TENM2: variants seen among roughly 807,000 people sequenced by gnomAD.
TENM2 encodes the protein teneurin-2.
In TENM2, 52 loss-of-function variants were observed where a neutral mutation model predicts 245.2. That is an observed-to-expected ratio of 0.21 (90% CI 0.17 to 0.27). TENM2 has a LOEUF of 0.27. Ranked by LOEUF, TENM2 falls within the 10% of genes least tolerant of loss-of-function variation. TENM2 has a pLI of 1.00. For missense variants in TENM2, 3,046 were observed against 3,666.8 expected (o/e 0.83, Z 4.37); for synonymous variants, 1,363 against 1,438.9 (o/e 0.95, Z 1.19).
At position 167,879,305 on chromosome 5, in the gene TENM2, C is replaced by G. The variant is rs146313615; in HGVS notation, c.712+3110C>G. On this transcript the variant is annotated intron_variant, in intron 3 of 28. Transcript: ENST00000518659. ...TCAATCTATGCCAATCAAGTAGATACCCAGGTACAGTTAGTGAGATGTTTA... is the reference window on the plus strand; with the variant it reads ...TCAATCTATGCCAATCAAGTAGATAGCCAGGTACAGTTAGTGAGATGTTTA... Among the ~76,000 whole-genome samples the G allele has an allele frequency of 4.7e-3, 711 of 152,230 alleles. 6 individuals carry two copies. The highest frequency in any genetic ancestry group is 0.016 in the African/African-American group (676 of 41,530).
the TENM2 span, among the ~76,000 whole-genome samples, chr5:167,027,940 G>A: frequency 1.7e-4 from 26 of 151,884 alleles, no homozygotes; most frequent in East Asian, 9.8e-4. Flanking sequence ...CCTTGGTGGC[G>A]CACACCTGTA....
At chr5:168,062,360 T>G (rs964810902) in intron 7 of TENM2, 95 bp downstream of exon 9, 50 of 963,618 alleles carry the variant, frequency 5.2e-5, no homozygotes, top group Admixed American at 2.7e-4. Flanking sequence ...CTACAATGCC[T>G]ATAATTAAAA....
At chr5:167,353,512 T>TTG (rs1759088294) in intron 1 of TENM2, among the ~76,000 whole-genome samples, 1 of 122,296 alleles carries the variant, frequency 8.2e-6, no homozygotes, top group Non-Finnish European at 1.7e-5. Flanking sequence ...TTTTTTTTTT[T>TTG]TTTTTTTTTT....
At chr5:167,938,970 A>G (rs1379229819) in intron 3 of TENM2, among the ~76,000 whole-genome samples, 6 of 151,782 alleles carry the variant, frequency 4.0e-5, no homozygotes, top group Non-Finnish European at 4.4e-5. Context: ...ATTGTTTGTC[A>G]TAAGTGAGCT....
the TENM2 span, among the ~76,000 whole-genome samples, chr5:167,127,863 C>T: frequency 6.6e-6 from 1 of 152,142 alleles, no homozygotes; most frequent in Non-Finnish European, 1.5e-5. Context: ...AATACTAATG[C>T]TGTCCAGGGG....
At chr5:168,262,926 C>A in exon 29 of TENM2, 1 of 970,144 alleles carries the variant, frequency 1.0e-6, no homozygotes, top group Non-Finnish European at 1.5e-6. Flanking sequence ...CTTTAGGAGA[C>A]CAAGTGGCAA....
At chr5:167,347,141 GAA>G (rs111545947) in intron 1 of TENM2, among the ~76,000 whole-genome samples, 1 of 129,542 alleles carries the variant, frequency 7.7e-6, no homozygotes, top group East Asian at 2.3e-4. Flanking sequence ...AATTACAAGA[GAA>G]AAAAAAAAAA....
At chr5:168,215,422 G>A (rs1357244407) in intron 21 of TENM2, 150 bp downstream of exon 23, 2 of 658,290 alleles carry the variant, frequency 3.0e-6, no homozygotes, top group Non-Finnish European at 5.3e-6. Flanking sequence ...TTGGTGTGTG[G>A]ATGGGTGTTT....
At chr5:168,071,601 A>G (rs1479928891) in intron 7 of TENM2, among the ~76,000 whole-genome samples, 1 of 152,190 alleles carries the variant, frequency 6.6e-6, no homozygotes, top group Non-Finnish European at 1.5e-5. Flanking sequence ...ATGCCTCAAA[A>G]TAGTCCATTG....
the TENM2 span, among the ~76,000 whole-genome samples, chr5:167,265,876 C>T: frequency 6.6e-5 from 10 of 152,036 alleles, no homozygotes; most frequent in Non-Finnish European, 1.2e-4. Context: ...ATCGACCTAG[C>T]TTGGGTCATG....
intron 2 of TENM2, among the ~76,000 whole-genome samples, chr5:167,510,561 G>GA (rs1182459042): frequency 7.3e-6 from 1 of 137,196 alleles, no homozygotes; most frequent in Non-Finnish European, 1.6e-5. Context: ...TGTTACTATA[G>GA]AAAAAAATCA....
At chr5:167,861,784 T>C (rs1440049235) in intron 2 of TENM2, among the ~76,000 whole-genome samples, 1 of 152,234 alleles carries the variant, frequency 6.6e-6, no homozygotes, top group Non-Finnish European at 1.5e-5. Context: ...CTGAGCCTGA[T>C]AGCACAGGGC....
intron 2 of TENM2, among the ~76,000 whole-genome samples, chr5:167,784,356 A>G (rs886281824): frequency 2.0e-5 from 3 of 152,232 alleles, no homozygotes; most frequent in Non-Finnish European, 4.4e-5. Flanking sequence ...AGCCTAGTCC[A>G]TAGAATGTAT....
At chr5:168,102,012 T>C (rs1170368516) in intron 9 of TENM2, among the ~76,000 whole-genome samples, 1 of 152,150 alleles carries the variant, frequency 6.6e-6, no homozygotes, top group East Asian at 1.9e-4. Flanking sequence ...TTAACATGTT[T>C]CTTCAAGTCA....
At chr5:167,872,551 AAAG>A (rs1773061558) in intron 2 of TENM2, among the ~76,000 whole-genome samples, 2 of 57,024 alleles carry the variant, frequency 3.5e-5, no homozygotes, top group African/African-American at 9.7e-5. Context: ...AAAGAAAGAG[AAAG>A]AAAGAAAGAA....
the TENM2 span, among the ~76,000 whole-genome samples, chr5:167,160,249 C>T: frequency 1.4e-4 from 22 of 152,232 alleles, no homozygotes; most frequent in South Asian, 2.1e-4. Context: ...AATCAGATAA[C>T]GCCAAGCCAG....
the TENM2 span, among the ~76,000 whole-genome samples, chr5:167,150,805 A>C: frequency 6.6e-6 from 1 of 152,226 alleles, no homozygotes; most frequent in Non-Finnish European, 1.5e-5. Flanking sequence ...AAGCTCATTC[A>C]ATGTAATGAC....
At chr5:167,544,784 G>A (rs1033958855) in intron 2 of TENM2, among the ~76,000 whole-genome samples, 1 of 152,124 alleles carries the variant, frequency 6.6e-6, no homozygotes, top group African/African-American at 2.4e-5. Flanking sequence ...ATATTCTAAG[G>A]AGAGATACAC....
At chr5:167,018,839 A>G in the TENM2 span, among the ~76,000 whole-genome samples, 1 of 152,232 alleles carries the variant, frequency 6.6e-6, no homozygotes, top group African/African-American at 2.4e-5. Context: ...GAAAAGAAGC[A>G]ATTCTGTTCT....
Sources: allele counts gnomAD v4.1 joint callset (sites outside exome capture counted in the v4.1 genomes callset), GRCh38; gene constraint gnomAD v4.1.1; transcripts MANE v1.5; gene names NCBI Gene and HGNC (gene_info 2026-07-23, HGNC 2026-07-21).